The following ADAM32 variants were observed in gnomAD, a reference collection of about 807,000 sequenced individuals.
ADAM32 encodes the protein ADAM metallopeptidase domain 32.
In ADAM32, 89 loss-of-function variants were observed where a neutral mutation model predicts 114.9. That is an observed-to-expected ratio of 0.77 (90% CI 0.65 to 0.92). ADAM32 has a LOEUF of 0.92. Among genes scored for constraint, ADAM32 ranks in the 40% least tolerant of loss-of-function variants. The probability of loss-of-function intolerance (pLI) is 0.00; values close to 1 mark genes in which losing one functional copy is unlikely to be tolerated. For synonymous variants in ADAM32, 285 were observed against 307.5 expected (o/e 0.93, Z 0.77); for missense variants, 870 against 932.8 (o/e 0.93, Z 0.88).
chr8:39,141,578 T>C (rs892844766), intron 3 of ADAM32, among the ~76,000 whole-genome samples: 1 of 152,174 alleles, frequency 6.6e-6, no homozygotes, highest in Non-Finnish European at 1.5e-5. Context: ...TTTCTGTTCT[T>C]TTACATTTGC....
intron 15 of ADAM32, among the ~76,000 whole-genome samples, chr8:39,233,102 G>A (rs1809859121): frequency 6.6e-6 from 1 of 152,158 alleles, no homozygotes; most frequent in Admixed American, 6.5e-5. Context: ...CGGACCCCAA[G>A]AGAGGGTTCT....
intron 6 of ADAM32, among the ~76,000 whole-genome samples, chr8:39,153,440 A>T (rs1803965387): frequency 2.6e-5 from 4 of 152,204 alleles, no homozygotes; most frequent in African/African-American, 7.2e-5. Flanking sequence ...TTTGCTTTGA[A>T]CATGTGCCAC....
intron 2 of ADAM32, among the ~76,000 whole-genome samples, chr8:39,119,090 T>C (rs1429614186): frequency 1.3e-5 from 2 of 152,228 alleles, no homozygotes; most frequent in Non-Finnish European, 2.9e-5. Flanking sequence ...ATATCTTATA[T>C]GTGGATATAC....
At chr8:39,150,006 T>C (rs1803728736) in intron 5 of ADAM32, 139 bp downstream of exon 5, 1 of 544,662 alleles carries the variant, frequency 1.8e-6, no homozygotes, top group Non-Finnish European at 3.1e-6. Context: ...TCTGAACATG[T>C]TTCCAATTCT....
chr8:39,199,644 T>C, intron 11 of ADAM32, among the ~76,000 whole-genome samples: 1 of 152,160 alleles, frequency 6.6e-6, no homozygotes, highest in Non-Finnish European at 1.5e-5. Flanking sequence ...AATTATACCT[T>C]AAGTTCTAGG....
chr8:39,181,666 C>G (rs1248322733), intron 10 of ADAM32, among the ~76,000 whole-genome samples: 3 of 152,106 alleles, frequency 2.0e-5, no homozygotes, highest in Non-Finnish European at 2.9e-5. Flanking sequence ...CAAGGAAATT[C>G]AGGGTGTATG....
In ADAM32 at chr8:39,257,233, T is replaced by C; in HGVS notation, c.2052T>C (p.Leu684=). The change falls in exon 19 of 25, where the codon CTT becomes CTC. Residue 684 remains leucine, a synonymous_variant. Transcript: ENST00000379907. ...RASGKTENTW[L]LGFLIALPIL... is the part of the protein sequence containing the mutation. ...CTGGGAAGACTGAAAACACCTGGCT[T>C]CTAGGTTTCCTCATTGCTCTTCCTA... 1 of 1,612,554 alleles carries C rather than the reference T, an allele frequency of 6.2e-7. No homozygotes were observed. Among genetic ancestry groups the C allele is most frequent in the Non-Finnish European group, 8.5e-7 (1 of 1,179,118 alleles).
intron 11 of ADAM32, among the ~76,000 whole-genome samples, chr8:39,194,479 C>T (rs1259509689): frequency 6.6e-6 from 1 of 152,106 alleles, no homozygotes; most frequent in East Asian, 1.9e-4. Flanking sequence ...CAGCAAAGCA[C>T]TGTAGGTGGT....
chr8:39,119,819 C>G (rs1840519139), intron 2 of ADAM32, among the ~76,000 whole-genome samples: 1 of 152,030 alleles, frequency 6.6e-6, no homozygotes, highest in African/African-American at 2.4e-5. Flanking sequence ...ATCCCTAACC[C>G]CTAATGTGAC....
At chr8:39,223,305 T>A (rs4476978) in intron 14 of ADAM32, 67 bp downstream of exon 14, 1,037,652 of 1,047,212 alleles carry the variant, frequency 0.99, 514,697 homozygotes, top group East Asian at 1. Context: ...GATAATGGGG[T>A]ATATTTTCAT....
chr8:39,223,019 T>C, intron 13 of ADAM32, 21 bp from the exon 14 acceptor site: 2 of 1,520,440 alleles, frequency 1.3e-6, no homozygotes, highest in Non-Finnish European at 1.8e-6. Flanking sequence ...GCTTTATTTT[T>C]TATGTTCTAA....
chr8:39,236,260 C>T (rs929435166), intron 16 of ADAM32, among the ~76,000 whole-genome samples: 2 of 151,920 alleles, frequency 1.3e-5, no homozygotes, highest in African/African-American at 2.4e-5. Flanking sequence ...TTTATGAAAA[C>T]AATATATGCC....
At chr8:39,126,312 G>A (rs1014878413) in intron 2 of ADAM32, among the ~76,000 whole-genome samples, 1 of 152,188 alleles carries the variant, frequency 6.6e-6, no homozygotes, top group Non-Finnish European at 1.5e-5. Flanking sequence ...CCATGAGCAT[G>A]GAATGTTTTT....
At chr8:39,249,435 G>A (rs1811148109) in intron 17 of ADAM32, among the ~76,000 whole-genome samples, 2 of 152,112 alleles carry the variant, frequency 1.3e-5, no homozygotes, top group South Asian at 4.1e-4. Flanking sequence ...TGCATCGACA[G>A]ACATTTTTCT....
chr8:39,244,649 C>G (rs1315880253), intron 16 of ADAM32, among the ~76,000 whole-genome samples: 1 of 152,128 alleles, frequency 6.6e-6, no homozygotes, highest in African/African-American at 2.4e-5. Context: ...AATATCAACT[C>G]AAGATGTGTC....
intron 16 of ADAM32, among the ~76,000 whole-genome samples, chr8:39,236,813 C>G (rs1224520551): frequency 2.0e-5 from 3 of 152,078 alleles, no homozygotes; most frequent in Non-Finnish European, 4.4e-5. Context: ...TATAACTTAT[C>G]AAAACTTGTG....
intron 19 of ADAM32, 21 bp from the exon 20 acceptor site, chr8:39,270,855 A>G (rs1449826345): frequency 1.9e-6 from 3 of 1,599,994 alleles, no homozygotes; most frequent in Admixed American, 3.4e-5. Context: ...CTAACATGAG[A>G]CATTTTCAAT....
intron 11 of ADAM32, among the ~76,000 whole-genome samples, chr8:39,194,794 G>A (rs1300318276): frequency 1.3e-5 from 2 of 152,148 alleles, no homozygotes; most frequent in Non-Finnish European, 2.9e-5. Context: ...TTCCCCTAGG[G>A]CTAAAGTCTC....
intron 12 of ADAM32, among the ~76,000 whole-genome samples, chr8:39,219,203 G>A (rs1808785102): frequency 6.6e-6 from 1 of 152,028 alleles, no homozygotes; most frequent in Non-Finnish European, 1.5e-5. Flanking sequence ...TTGGCGCTGT[G>A]CACTCTGCTG....
Sources: gnomAD v4.1 joint callset for allele counts (sites outside exome capture counted in the v4.1 genomes callset) on GRCh38, gnomAD v4.1.1 for gene constraint, MANE v1.5 for transcripts, NCBI Gene and HGNC (gene_info 2026-07-23, HGNC 2026-07-21) for gene names.